The following MTSS1 variants were observed in gnomAD, a reference collection of about 807,000 sequenced individuals.
MTSS1 encodes MTSS I-BAR domain containing 1.
Under a neutral mutation model 79.0 loss-of-function variants are expected in MTSS1, and 18 were observed. That is an observed-to-expected ratio of 0.23 (90% CI 0.16 to 0.34). The LOEUF (loss-of-function observed/expected upper bound fraction) is 0.34. MTSS1 is among the 10% of genes least tolerant of loss of function. MTSS1 has a pLI of 1.00. For synonymous variants in MTSS1, 341 were observed against 368.6 expected (o/e 0.93, Z 0.86); for missense variants, 815 against 986.2 (o/e 0.83, Z 2.33).
At chr8:124,620,425 G>T (rs1813274087) in intron 3 of MTSS1, among the ~76,000 whole-genome samples, 1 of 152,152 alleles carries the variant, frequency 6.6e-6, no homozygotes, top group Non-Finnish European at 1.5e-5. Flanking sequence ...AAAATCCAAG[G>T]TATTTGTGGA....
At chr8:124,653,651 G>A (rs1204881307) in intron 3 of MTSS1, among the ~76,000 whole-genome samples, 2 of 152,262 alleles carry the variant, frequency 1.3e-5, no homozygotes, top group Admixed American at 1.3e-4. Flanking sequence ...TTGAACCTGG[G>A]AGGCTGAGGT....
intron 2 of MTSS1, 24 bp from the exon 3 acceptor site, chr8:124,699,623 A>T: frequency 1.2e-6 from 2 of 1,609,910 alleles, no homozygotes; most frequent in Non-Finnish European, 1.7e-6. Flanking sequence ...AGATAACAAA[A>T]GCATAAGGAA....
In MTSS1 at chr8:124,566,842, C is replaced by G. The variant is rs80235845; in HGVS notation, c.726+229G>C. Among the ~76,000 whole-genome samples the G allele has an allele frequency of 9.1e-3, 1,380 of 152,288 alleles. 9 individuals carry two copies. The highest frequency in any genetic ancestry group is 0.015 in the Non-Finnish European group (991 of 68,022). On this transcript the variant is annotated intron_variant, in intron 8 of 13. Coordinates refer to ENST00000518547, the MANE Select transcript of MTSS1 (RefSeq NM_014751.6). ...TCATTCTCTATAAAACAAGCATAATCATGAAGATGAATGGAGGAAGTCAGG... is the reference window on the plus strand; with the variant it reads ...TCATTCTCTATAAAACAAGCATAATGATGAAGATGAATGGAGGAAGTCAGG...
chr8:124,568,960 G>A (rs910833025), intron 6 of MTSS1: 3 of 791,768 alleles, frequency 3.8e-6, no homozygotes, highest in African/African-American at 1.8e-5. Flanking sequence ...GGCTGGCTTT[G>A]TTGGGTCAAT....
rs190852144 is a variant in MTSS1 at position 124,705,047 on chromosome 8, G to A, written c.73-856C>T. Among the ~76,000 whole-genome samples the A allele has an allele frequency of 3.0e-3, 455 of 152,206 alleles. 2 individuals are homozygous for A. The highest frequency in any genetic ancestry group is 0.01 in the Middle Eastern group (3 of 294). On this transcript the variant is annotated intron_variant, in intron 1 of 13. Coordinates refer to ENST00000518547, the MANE Select transcript of MTSS1 (RefSeq NM_014751.6). ...CAGGGCAAAGCAGGCAGGGACCGAC[G>A]TCTCCCTTCCTACACATGTTAAATT...
chr8:124,595,922 G>A (rs1247840746), intron 3 of MTSS1, among the ~76,000 whole-genome samples: 1 of 152,202 alleles, frequency 6.6e-6, no homozygotes, highest in African/African-American at 2.4e-5. Context: ...AAGACATGGA[G>A]AGGAGGCTGC....
At chr8:124,713,726 T>C (rs1831505819) in intron 1 of MTSS1, among the ~76,000 whole-genome samples, 1 of 151,742 alleles carries the variant, frequency 6.6e-6, no homozygotes, top group African/African-American at 2.4e-5. Context: ...GCCCTGCCTG[T>C]TTTCTTGTTT....
At chr8:124,600,386 G>C (rs559999324) in intron 3 of MTSS1, among the ~76,000 whole-genome samples, 1 of 152,294 alleles carries the variant, frequency 6.6e-6, no homozygotes, top group East Asian at 1.9e-4. Context: ...AACAGTATGT[G>C]CAACTGGCAT....
chr8:124,720,231 G>C (rs116595766), intron 1 of MTSS1, among the ~76,000 whole-genome samples: 1 of 152,194 alleles, frequency 6.6e-6, no homozygotes, highest in South Asian at 2.1e-4. Flanking sequence ...CTGGGAGTCC[G>C]AGTTAGGGAG....
chr8:124,589,509 T>C, intron 5 of MTSS1, 111 bp downstream of exon 5: 1 of 759,432 alleles, frequency 1.3e-6, no homozygotes, highest in South Asian at 1.8e-5. Context: ...AGTGGGCCCT[T>C]GGCTGTTTTG....
At position 124,551,626 on chromosome 8, in the gene MTSS1, T is replaced by G. The variant is rs888392370; in HGVS notation, c.*1366A>C. Reference sequence around the variant, plus strand: ...TGACTGCTAAGGGACTTGCTTGCTTTCTTAAACACTATTGTCTTCAAATGT... The same window carrying G: ...TGACTGCTAAGGGACTTGCTTGCTTGCTTAAACACTATTGTCTTCAAATGT... On this transcript the variant is annotated 3_prime_UTR_variant, in exon 14 of 14. Transcript: ENST00000518547. 2.6e-5 allele frequency: 4 copies of G among 152,566 alleles called. No individual in the cohort carries two copies. The highest frequency in any genetic ancestry group is 4.8e-5 in the African/African-American group (2 of 41,458). 9.5% of individuals were successfully genotyped at this position (152,566 alleles called of 1,614,324 possible).
intron 3 of MTSS1, among the ~76,000 whole-genome samples, chr8:124,641,308 A>G (rs1470884617): frequency 6.6e-6 from 1 of 152,266 alleles, no homozygotes; most frequent in Non-Finnish European, 1.5e-5. Context: ...TTGGGAAAAC[A>G]GTGAACATTC....
chr8:124,658,081 C>T (rs899824346), intron 3 of MTSS1, among the ~76,000 whole-genome samples: 5 of 152,152 alleles, frequency 3.3e-5, no homozygotes, highest in Non-Finnish European at 7.3e-5. Flanking sequence ...AGGGCCCTCA[C>T]CAGGAGCCAA....
chr8:124,557,665 G>T lies in MTSS1; in HGVS notation c.1230+16C>A, dbSNP rs777038229. 1.3e-6 allele frequency: 2 copies of T among 1,555,610 alleles called. No individual in the cohort carries two copies. Among genetic ancestry groups the T allele is most frequent in the African/African-American group, 1.4e-5 (1 of 73,376 alleles). ...GAGGCAATGACGGGGAGAGGAGGAG[G>T]GGGAGAGACACAAACCTTCCAGCTA... On this transcript the variant is annotated intron_variant, in intron 11 of 13. Transcript: ENST00000518547.
chr8:124,627,521 G>T (rs1814937354), intron 3 of MTSS1, among the ~76,000 whole-genome samples: 2 of 152,228 alleles, frequency 1.3e-5, no homozygotes, highest in Admixed American at 6.5e-5. Flanking sequence ...CAAATCCCTT[G>T]TTCTCAACTC....
At chr8:124,690,095 A>G (rs771531869) in intron 3 of MTSS1, among the ~76,000 whole-genome samples, 8 of 152,220 alleles carry the variant, frequency 5.3e-5, no homozygotes, top group South Asian at 2.1e-4. Context: ...ACACAAATCA[A>G]CTCAGTCACC....
Position 124,704,209 on chromosome 8 carries a change from C to T in MTSS1, c.73-18G>A, listed in dbSNP as rs1830090574. On this transcript the variant is annotated intron_variant, in intron 1 of 13. Coordinates refer to ENST00000518547, the MANE Select transcript of MTSS1 (RefSeq NM_014751.6). ...TAGCTCCCCTGCAACACATCAAAGA[C>T]ATCAGTAAGTCACACTGCGATAGAC... 1 of 1,611,480 alleles carries T rather than the reference C, an allele frequency of 6.2e-7. No individual in the cohort carries two copies. The highest frequency in any genetic ancestry group is 8.5e-7 in the Non-Finnish European group (1 of 1,177,968).
intron 3 of MTSS1, among the ~76,000 whole-genome samples, chr8:124,598,087 G>A (rs955441819): frequency 2.0e-5 from 3 of 152,098 alleles, no homozygotes; most frequent in Admixed American, 6.6e-5. Flanking sequence ...GGCTTTAAGC[G>A]ATACCAACTA....
rs936383289 is a variant in MTSS1 at position 124,551,229 on chromosome 8, A to G, written c.*1763T>C. 6.5e-6 allele frequency: 1 copy of G among 152,688 alleles called. No individual in the cohort carries two copies. Among genetic ancestry groups the G allele is most frequent in the Non-Finnish European group, 1.5e-5 (1 of 68,036 alleles). 9.5% of individuals were successfully genotyped at this position (152,688 alleles called of 1,614,324 possible). A position where few individuals can be genotyped will look rare whatever the true frequency, so the allele number is the denominator to read the frequency against. ...TTTTGCAAAAACCATCTCAAGCATC[A>G]TATGCACAATGCATCAGCTACTTTT... On this transcript the variant is annotated 3_prime_UTR_variant, in exon 14 of 14. Transcript: ENST00000518547.
Sources: allele counts gnomAD v4.1 joint callset (sites outside exome capture counted in the v4.1 genomes callset), GRCh38; gene constraint gnomAD v4.1.1; transcripts MANE v1.5; gene names NCBI Gene and HGNC (gene_info 2026-07-23, HGNC 2026-07-21).